FAM53A: variants seen among roughly 807,000 people sequenced by gnomAD.
FAM53A encodes the protein family with sequence similarity 53 member A.
A neutral mutation model predicts 26.6 loss-of-function variants in FAM53A; 28 were observed. That is an observed-to-expected ratio of 1.05 (90% CI 0.78 to 1.45). The LOEUF is 1.45. FAM53A is among the 40% of genes most tolerant of loss of function. The probability of loss-of-function intolerance (pLI) is 0.00; values close to 1 mark genes in which losing one functional copy is unlikely to be tolerated. For synonymous variants in FAM53A, 290 were observed against 253.1 expected, an observed-to-expected ratio of 1.15 and a Z score of -1.38; for missense variants, 650 against 575.8, an observed-to-expected ratio of 1.13 and a Z score of -1.32.
At chr4:1,644,362 G>C (rs1712045135) in intron 4 of FAM53A, 1 of 1,535,342 alleles carries the variant, frequency 6.5e-7, no homozygotes, top group Admixed American at 2.0e-5. Flanking sequence ...GAAAACAGCA[G>C]GCTCTGAACG....
the FAM53A span, among the ~76,000 whole-genome samples, chr4:1,606,949 G>A: frequency 7.9e-3 from 1,202 of 152,350 alleles, 15 homozygotes; most frequent in African/African-American, 0.027. Flanking sequence ...ACCACCTCAC[G>A]TTCCCACCAA....
At chr4:1,612,213 T>C in the FAM53A span, among the ~76,000 whole-genome samples, 1 of 152,222 alleles carries the variant, frequency 6.6e-6, no homozygotes, top group South Asian at 2.1e-4. Context: ...CAGCTGTATG[T>C]TTTATACTGA....
At chr4:1,575,799 G>A in the FAM53A span, among the ~76,000 whole-genome samples, 4 of 152,152 alleles carry the variant, frequency 2.6e-5, no homozygotes, top group African/African-American at 9.7e-5. Context: ...CATGGGTTGG[G>A]AGAGCCATCA....
chr4:1,638,156 T>A, downstream of FAM53A, among the ~76,000 whole-genome samples: 1 of 151,772 alleles, frequency 6.6e-6, no homozygotes, highest in East Asian at 2.0e-4. Flanking sequence ...CAGGTGACCC[T>A]GCAGGGCCAA....
the FAM53A span, among the ~76,000 whole-genome samples, chr4:1,598,013 G>A: frequency 0.58 from 87,509 of 152,090 alleles, 25,726 homozygotes; most frequent in African/African-American, 0.66. Flanking sequence ...GGACCTTGGC[G>A]GAATGACCTC....
intron 1 of FAM53A, among the ~76,000 whole-genome samples, chr4:1,623,945 C>T (rs1715169032): frequency 6.6e-6 from 1 of 152,072 alleles, no homozygotes; most frequent in Non-Finnish European, 1.5e-5. Flanking sequence ...GAGATGGGGC[C>T]AAGCCTCCCC....
At chr4:1,635,475 T>G (rs1715797380), downstream of FAM53A, among the ~76,000 whole-genome samples, 1 of 152,204 alleles carries the variant, frequency 6.6e-6, no homozygotes, top group African/African-American at 2.4e-5. Flanking sequence ...GGTCTTGCTA[T>G]GTTGCCCAGG....
In FAM53A at chr4:1,654,088, G is replaced by A. The variant is rs116070981; in HGVS notation, c.882+890C>T. Reference sequence around the variant, plus strand: ...AAGGCCACAGGTCATTGAGGAGACAGGCTGACACTGATCCCGCCCCACCCT... The same window carrying A: ...AAGGCCACAGGTCATTGAGGAGACAAGCTGACACTGATCCCGCCCCACCCT... On this transcript the variant is annotated intron_variant, in intron 4 of 4. Transcript: ENST00000308132. Among the ~76,000 whole-genome samples, 727 of 152,344 alleles carry A rather than the reference G, an allele frequency of 4.8e-3. 3 individuals carry two copies. The highest frequency in any genetic ancestry group is 0.017 in the African/African-American group (687 of 41,574).
Position 1,659,541 on chromosome 4 carries a change from T to C in FAM53A, c.76-2073A>G, listed in dbSNP as rs1295955103. Among the ~76,000 whole-genome samples, 2 of 152,100 alleles carry C rather than the reference T, an allele frequency of 1.3e-5. No homozygotes were observed. The highest frequency in any genetic ancestry group is 4.8e-5 in the African/African-American group (2 of 41,412). On this transcript the variant is annotated intron_variant, in intron 2 of 4. Coordinates refer to ENST00000308132, the MANE Select transcript of FAM53A (RefSeq NM_001174070.3). The surrounding 1 kb of genome is among the most constrained non-coding windows in gnomAD (Gnocchi z 5.2). ...ACGGTCCCAAATGTGACCACCTCTA[T>C]GCAAAGACACGCCGGGGGCAGCAGC...
At chr4:1,607,864 G>A in the FAM53A span, among the ~76,000 whole-genome samples, 1 of 151,294 alleles carries the variant, frequency 6.6e-6, no homozygotes, top group African/African-American at 2.4e-5. Context: ...CACTTGAACC[G>A]AGGAGGCAGA....
At chr4:1,605,071 C>T in the FAM53A span, among the ~76,000 whole-genome samples, 2 of 152,226 alleles carry the variant, frequency 1.3e-5, no homozygotes, top group African/African-American at 4.8e-5. The surrounding 1 kb of genome is among the most constrained non-coding windows in gnomAD (Gnocchi z 5.7). Flanking sequence ...CGGGCTCCAC[C>T]TGGCTGCTGA....
At chr4:1,644,430 T>A in intron 4 of FAM53A, 1 of 1,475,738 alleles carries the variant, frequency 6.8e-7, no homozygotes. Context: ...ACACGGCAGC[T>A]GTACAGCTCA....
chr4:1,595,199 GACC>G, the FAM53A span, among the ~76,000 whole-genome samples: 1 of 152,228 alleles, frequency 6.6e-6, no homozygotes, highest in Admixed American at 6.5e-5. Flanking sequence ...TGCCCACAGG[GACC>G]CCCGCCCACC....
chr4:1,644,398 G>A, intron 4 of FAM53A: 1 of 1,519,602 alleles, frequency 6.6e-7, no homozygotes, highest in Admixed American at 2.0e-5. Context: ...GTCGGTGCAG[G>A]AGAAAAAACT....
rs1303319023 is a variant in FAM53A, at chr4:1,653,978, C to T, written c.882+1000G>A. Among the ~76,000 whole-genome samples, 8 of 152,352 alleles carry T rather than the reference C, an allele frequency of 5.3e-5. No individual in the cohort carries two copies. In the East Asian group the frequency reaches 1.5e-3, roughly 29 times the overall value. ...GCAGCCACACTATGGACAGCTCCAC[C>T]CACATCTACAGCCCCCAGAGGCAGG... is the stretch of plus-strand genomic sequence containing the variant. On this transcript the variant is annotated intron_variant, in intron 4 of 4. Transcript: ENST00000308132.
intron 1 of FAM53A, among the ~76,000 whole-genome samples, chr4:1,673,719 C>T (rs1714840239): frequency 6.6e-6 from 1 of 152,108 alleles, no homozygotes; most frequent in African/African-American, 2.4e-5. Context: ...GGTGACCGAG[C>T]GAGACTCCGT....
In FAM53A at chr4:1,655,171, G is replaced by T. The variant is rs763937971; in HGVS notation, c.689C>A (p.Ala230Glu). The change falls in exon 4 of 5, where the codon GCG becomes GAG. Residue 230 changes from alanine (A) to glutamate (E), a missense_variant. By Grantham distance (107) the Ala-to-Glu change is moderately radical (BLOSUM62 -1). Coordinates refer to ENST00000308132, the MANE Select transcript of FAM53A (RefSeq NM_001174070.3). ...CCAGGGCAGGGGAGTGCCCGCACCCGCGAGTCGCTCCTGTGAGAGGGACGG... is the reference window on the plus strand; with the variant it reads ...CCAGGGCAGGGGAGTGCCCGCACCCTCGAGTCGCTCCTGTGAGAGGGACGG... ...RRPSLSQERL[A>E]GAGTPLPWAS... 5 of 1,572,412 alleles carry T rather than the reference G, an allele frequency of 3.2e-6. No homozygotes were observed. The highest frequency in any genetic ancestry group is 2.7e-5 in the African/African-American group (2 of 73,244).
the FAM53A span, among the ~76,000 whole-genome samples, chr4:1,611,991 A>T: frequency 6.6e-6 from 1 of 152,210 alleles, no homozygotes; most frequent in Non-Finnish European, 1.5e-5. Context: ...TAAACTGCGG[A>T]ATCGATGGAG....
intron 1 of FAM53A, among the ~76,000 whole-genome samples, chr4:1,627,010 G>A (rs2108760434): frequency 6.6e-6 from 1 of 152,318 alleles, no homozygotes; most frequent in South Asian, 2.1e-4. Flanking sequence ...GCTTGGCAAA[G>A]AGTGGCAACC....
Sources: allele counts gnomAD v4.1 joint callset (sites outside exome capture counted in the v4.1 genomes callset), GRCh38; gene constraint gnomAD v4.1.1; non-coding constraint Gnocchi (gnomAD v3.1); transcripts MANE v1.5; gene names NCBI Gene and HGNC (gene_info 2026-07-23, HGNC 2026-07-21).